Variants in TPP2 observed in about 807,000 individuals in gnomAD.
The protein encoded by TPP2 is tripeptidyl-peptidase 2.
A neutral mutation model predicts 155.9 loss-of-function variants in TPP2; 34 were observed. That is an observed-to-expected ratio of 0.22 (90% CI 0.17 to 0.29). TPP2 has a LOEUF of 0.29. Ranked by LOEUF, TPP2 falls within the 10% of genes least tolerant of loss-of-function variation. The pLI, the probability that TPP2 is intolerant of heterozygous loss-of-function variation, is 1.00. For missense variants in TPP2, 1,028 were observed against 1,522.3 expected (o/e 0.68, Z 5.40); for synonymous variants, 510 against 529.4 (o/e 0.96, Z 0.50).
intron 2 of TPP2, among the ~76,000 whole-genome samples, chr13:102,607,428 A>G (rs1344488523): frequency 6.6e-6 from 1 of 152,176 alleles, no homozygotes; most frequent in African/African-American, 2.4e-5. Flanking sequence ...GAATTACTCT[A>G]GAGTTTGGCC....
intron 21 of TPP2, among the ~76,000 whole-genome samples, chr13:102,648,435 T>TGTGTGTGTGA: frequency 2.5e-5 from 1 of 39,348 alleles, no homozygotes. Context: ...TACACGTGTG[T>TGTGTGTGTGA]GTGTGTGTGT....
intron 12 of TPP2, 152 bp from the exon 13 acceptor site, chr13:102,636,072 G>A (rs1802418201): frequency 4.4e-6 from 3 of 679,538 alleles, no homozygotes; most frequent in South Asian, 4.1e-5. Flanking sequence ...ATGTAGAATT[G>A]TCCTCTTAGT....
intron 16 of TPP2, among the ~76,000 whole-genome samples, chr13:102,642,108 C>T (rs1202881434): frequency 6.6e-6 from 1 of 152,186 alleles, no homozygotes; most frequent in Non-Finnish European, 1.5e-5. Context: ...TTCTGGACTT[C>T]TGTTTCAACT....
At chr13:102,661,914 C>T (rs1884254820) in intron 25 of TPP2, among the ~76,000 whole-genome samples, 2 of 152,148 alleles carry the variant, frequency 1.3e-5, no homozygotes, top group South Asian at 4.1e-4. Flanking sequence ...CCAGCAGTTC[C>T]ACTCCCAGGT....
intron 16 of TPP2, among the ~76,000 whole-genome samples, chr13:102,641,908 C>T (rs946799070): frequency 6.6e-6 from 1 of 152,120 alleles, no homozygotes; most frequent in Non-Finnish European, 1.5e-5. Context: ...TGGTGAGCTA[C>T]TTAGACAAGG....
At chr13:102,672,679 G>T (rs1431079609) in intron 27 of TPP2, among the ~76,000 whole-genome samples, 1 of 152,158 alleles carries the variant, frequency 6.6e-6, no homozygotes, top group African/African-American at 2.4e-5. Flanking sequence ...ATTGTTGGAA[G>T]GCATAAGCAA....
chr13:102,627,434 A>G lies in TPP2; in HGVS notation c.939+268A>G, dbSNP rs185357458. On this transcript the variant is annotated intron_variant, in intron 7 of 29. Transcript: ENST00000376052. ...CCTAACAAGCAATTTTGAGATACTTAAAAAGAAAGACCTCTTAGCCAGCTT... is the reference window on the plus strand; with the variant it reads ...CCTAACAAGCAATTTTGAGATACTTGAAAAGAAAGACCTCTTAGCCAGCTT... Among the ~76,000 whole-genome samples the G allele has an allele frequency of 1.2e-4, 19 of 152,254 alleles. No individual in the cohort carries two copies. In the East Asian group the frequency reaches 2.5e-3, roughly 20 times the overall value.
Position 102,614,248 on chromosome 13 carries a change from C to T in TPP2, c.390+52C>T, listed in dbSNP as rs761880568. On this transcript the variant is annotated intron_variant, in intron 3 of 29. Transcript: ENST00000376052. ...TTGTATTCTTCTGACTTGTCTTCTT[C>T]CTCAGATTTTATTCCTACTGAAGAA... 2.8e-4 allele frequency: 396 copies of T among 1,411,590 alleles called. 3 individuals are homozygous for T. Among genetic ancestry groups the T allele is most frequent in the Non-Finnish European group, 4.7e-5 (49 of 1,033,158 alleles). 87.4% of individuals were successfully genotyped at this position (1,411,590 alleles called of 1,614,324 possible).
intron 2 of TPP2, among the ~76,000 whole-genome samples, chr13:102,612,613 A>T (rs1021621497): frequency 2.6e-5 from 4 of 152,228 alleles, no homozygotes. Context: ...CTAAAGTTAG[A>T]TCAGATAGCC....
intron 5 of TPP2, 37 bp from the exon 6 acceptor site, chr13:102,622,840 A>G (rs1024747662): frequency 1.3e-6 from 2 of 1,575,968 alleles, no homozygotes; most frequent in Admixed American, 2.0e-5. Context: ...AGGTAAGAAA[A>G]TAAATTTTAC....
In TPP2 at chr13:102,661,846, C is replaced by T. The variant is rs150885230; in HGVS notation, c.3144-1802C>T. Among the ~76,000 whole-genome samples, 31 of 152,278 alleles carry T rather than the reference C, an allele frequency of 2.0e-4. No homozygotes were observed. In the East Asian group the frequency reaches 5.0e-3, roughly 25 times the overall value. ...GGTAAGAATACAAAAATGATGCAGA[C>T]TTTTTGGAAAACAATCTTGACTGCT... On this transcript the variant is annotated intron_variant, in intron 25 of 29. Transcript: ENST00000376052.
At chr13:102,649,543 A>G in intron 23 of TPP2, 57 bp downstream of exon 23, 2 of 1,451,464 alleles carry the variant, frequency 1.4e-6, no homozygotes, top group Non-Finnish European at 1.9e-6. Flanking sequence ...CATTTCTTTA[A>G]AGATAAGAAT....
At chr13:102,621,786 A>G (rs1881187062) in intron 5 of TPP2, among the ~76,000 whole-genome samples, 1 of 152,190 alleles carries the variant, frequency 6.6e-6, no homozygotes. Context: ...GGGGAAGAAC[A>G]GAGGGAGGAC....
chr13:102,639,512 C>T lies in TPP2; in HGVS notation c.1914-758C>T, dbSNP rs377536102. On this transcript the variant is annotated intron_variant, in intron 15 of 29. Coordinates refer to ENST00000376052, the MANE Select transcript of TPP2 (RefSeq NM_001330588.2). ...CAGGAGTCAGCTGCCACGCCATCTC[C>T]TTCAGGAAGCTTCCCAGGCTCCGTA... Among the ~76,000 whole-genome samples, 3 of 152,284 alleles carry T rather than the reference C, an allele frequency of 2.0e-5. No homozygotes were observed. In the East Asian group the frequency reaches 5.8e-4, roughly 29 times the overall value.
At chr13:102,677,718 C>G (rs1885373722) in intron 29 of TPP2, among the ~76,000 whole-genome samples, 1 of 152,222 alleles carries the variant, frequency 6.6e-6, no homozygotes, top group Non-Finnish European at 1.5e-5. Flanking sequence ...TCTTAACCAT[C>G]TAACTCCCCA....
chr13:102,661,100 CATA>C (rs531172923), intron 25 of TPP2, among the ~76,000 whole-genome samples: 1 of 111,878 alleles, frequency 8.9e-6, no homozygotes, highest in Admixed American at 8.0e-5. Flanking sequence ...GCATAAGTAA[CATA>C]AGAAAAAAAA....
intron 25 of TPP2, among the ~76,000 whole-genome samples, chr13:102,662,365 G>A (rs1235518239): frequency 1.3e-5 from 2 of 152,168 alleles, no homozygotes; most frequent in Non-Finnish European, 2.9e-5. Flanking sequence ...TACTATGCTA[G>A]AAAGCATTGA....
In TPP2 at chr13:102,647,268, A is replaced by G. The variant is rs779128756; in HGVS notation, c.2552A>G (p.Glu851Gly). ...PLLCELLYES[E>G]FDSQLWIIFD... The stretch of plus-strand genomic sequence containing the variant: ...CTTTGTGAACTATTATATGAATCTG[A>G]ATTTGACAGCCAACTGTGGATTATT... Residue 851 changes from glutamate to glycine, a missense_variant, in exon 21 of 30, where the codon GAA (glutamate) becomes GGA (glycine). Physicochemically the swap from Glu to Gly is moderately conservative, Grantham distance 98. Coordinates refer to ENST00000376052, the MANE Select transcript of TPP2 (RefSeq NM_001330588.2). 6.2e-7 allele frequency: 1 copy of G among 1,613,870 alleles called. No individual in the cohort carries two copies. The highest frequency in any genetic ancestry group is 8.5e-7 in the Non-Finnish European group (1 of 1,179,952).
At chr13:102,661,471 G>A (rs1011986407) in intron 25 of TPP2, among the ~76,000 whole-genome samples, 32 of 151,734 alleles carry the variant, frequency 2.1e-4, no homozygotes, top group South Asian at 2.1e-4. Context: ...TGGAACCCCC[G>A]GCCTCAATTA....
Sources: gnomAD v4.1 joint callset for allele counts (sites outside exome capture counted in the v4.1 genomes callset) on GRCh38, gnomAD v4.1.1 for gene constraint, MANE v1.5 for transcripts, NCBI Gene and HGNC (gene_info 2026-07-23, HGNC 2026-07-21) for gene names.